Variants in MBD3 observed in about 807,000 individuals in gnomAD.
MBD3 encodes the protein methyl-CpG-binding domain protein 3.
In MBD3, 13 loss-of-function variants were observed where a neutral mutation model predicts 31.2. The ratio of observed to expected loss-of-function variants is 0.42; its 90% CI spans 0.27 to 0.66. MBD3 has a LOEUF of 0.66. Among genes scored for constraint, MBD3 ranks in the 30% least tolerant of loss-of-function variants. The pLI, the probability that MBD3 is intolerant of heterozygous loss-of-function variation, is 0.26. For missense variants in MBD3, 440 were observed against 426.5 expected (o/e 1.03, Z -0.28); for synonymous variants, 223 against 187.4 (o/e 1.19, Z -1.55).
At chr19:1,579,748 C>T (rs572273257) in intron 5 of MBD3, among the ~76,000 whole-genome samples, 1 of 152,268 alleles carries the variant, frequency 6.6e-6, no homozygotes, top group Non-Finnish European at 1.5e-5. Flanking sequence ...CCACCGAGTT[C>T]CTCATTTCAA....
Position 1,585,390 on chromosome 19 carries a change from A to C in MBD3, c.111-176T>G, listed in dbSNP as rs1599345599. 3.3e-6 allele frequency: 2 copies of C among 609,736 alleles called. No homozygotes were observed. Among genetic ancestry groups the C allele is most frequent in the Non-Finnish European group, 5.4e-6 (2 of 370,696 alleles). The allele number at this position is 609,736 out of a possible 1,614,324, so 37.8% of individuals were successfully genotyped here. A position where few individuals can be genotyped will look rare whatever the true frequency, so the allele number is the denominator to read the frequency against. On this transcript the variant is annotated intron_variant, in intron 1 of 6. Transcript: ENST00000434436. The surrounding 1 kb of genome is among the most constrained non-coding windows in gnomAD (Gnocchi z 4.1). ...GGCCCTGGCCCCAGCCCCAGACCCC[A>C]ACCCTGGCGTGACCCCAGACCTTCA...
In MBD3 at chr19:1,575,466, G is replaced by A; in HGVS notation, c.*2698C>T. On this transcript the variant is annotated 3_prime_UTR_variant, in exon 7 of 7. Coordinates refer to ENST00000434436, the MANE Select transcript of MBD3 (RefSeq NM_001281453.2). Reference sequence around the variant, plus strand: ...GGGCTGAGACATGGGCGGGGCTGGGGGCAGCCAAGTGGCCTTTGAGGATGG... The same window carrying A: ...GGGCTGAGACATGGGCGGGGCTGGGAGCAGCCAAGTGGCCTTTGAGGATGG... 1 of 305,338 alleles carries A rather than the reference G, an allele frequency of 3.3e-6. No homozygotes were observed. The highest frequency in any genetic ancestry group is 1.1e-4 in the East Asian group (1 of 8,764). The allele number at this position is 305,338 out of a possible 1,614,324, so 18.9% of individuals were successfully genotyped here.
At chr19:1,581,366 C>A in intron 4 of MBD3, 97 bp from the exon 5 acceptor site, 2 of 1,287,996 alleles carry the variant, frequency 1.6e-6, no homozygotes, top group East Asian at 2.5e-5. Flanking sequence ...ATGGGAGCTG[C>A]CACCTTCTTG....
In MBD3 at chr19:1,577,932, C is replaced by T. The variant is rs1429144512; in HGVS notation, c.*232G>A. ...AGGAGCACCCGGCACTTCCCGAAGCCGGACTCTGTAGAGGACGAGCGTGGA... is the reference window on the plus strand; with the variant it reads ...AGGAGCACCCGGCACTTCCCGAAGCTGGACTCTGTAGAGGACGAGCGTGGA... On this transcript the variant is annotated 3_prime_UTR_variant, in exon 7 of 7. Transcript: ENST00000434436. The T allele has an allele frequency of 7.3e-6, 2 of 274,876 alleles. No homozygotes were observed. The highest frequency in any genetic ancestry group is 1.4e-5 in the Non-Finnish European group (2 of 141,844). The allele number at this position is 274,876 out of a possible 1,614,324, so 17.0% of individuals were successfully genotyped here. A position where few individuals can be genotyped will look rare whatever the true frequency, so the allele number is the denominator to read the frequency against.
intron 2 of MBD3, 107 bp downstream of exon 2, chr19:1,584,948 C>T (rs1312054109): frequency 1.7e-5 from 25 of 1,476,862 alleles, no homozygotes; most frequent in Non-Finnish European, 2.2e-5. Flanking sequence ...CCGCTGTGAC[C>T]TCCTGCGCTC....
chr19:1,586,603 G>A (rs1268266421), intron 1 of MBD3, among the ~76,000 whole-genome samples: 2 of 151,856 alleles, frequency 1.3e-5, no homozygotes, highest in Non-Finnish European at 1.5e-5. Flanking sequence ...TGAACTCCTG[G>A]GCTAGGGTGA....
chr19:1,592,472 C>G lies in MBD3; in HGVS notation c.110+50G>C, dbSNP rs1421345092. 6 of 1,070,122 alleles carry G rather than the reference C, an allele frequency of 5.6e-6. No homozygotes were observed. In the South Asian group the frequency reaches 9.2e-5, roughly 16 times the overall value. The allele number at this position is 1,070,122 out of a possible 1,614,324, so 66.3% of individuals were successfully genotyped here. ...AGGGGCGCCGAGGCCGCCGCAGAGG[C>G]CGCTGGGAGGAGCCCGTTGAGGCCC... On this transcript the variant is annotated intron_variant, in intron 1 of 6. Transcript: ENST00000434436.
intron 4 of MBD3, among the ~76,000 whole-genome samples, chr19:1,581,996 T>C (rs1432099079): frequency 6.6e-6 from 1 of 152,160 alleles, no homozygotes; most frequent in Non-Finnish European, 1.5e-5. Context: ...CTCGATCTCC[T>C]GACCTCATGA....
At chr19:1,592,065 G>GT (rs1342339465) in intron 1 of MBD3, 1 of 152,300 alleles carries the variant, frequency 6.6e-6, no homozygotes, top group Non-Finnish European at 1.5e-5. Flanking sequence ...CCAAGAACCC[G>GT]TATTTTCACG....
At chr19:1,590,963 A>T (rs2060700765) in intron 1 of MBD3, among the ~76,000 whole-genome samples, 1 of 152,236 alleles carries the variant, frequency 6.6e-6, no homozygotes, top group African/African-American at 2.4e-5. Context: ...CTCCACTGCT[A>T]GACCCTCATG....
At position 1,578,805 on chromosome 19, in the gene MBD3, G is replaced by A. The variant is rs931229051; in HGVS notation, c.678-267C>T. Among the ~76,000 whole-genome samples the A allele has an allele frequency of 6.6e-6, 1 of 152,150 alleles. No homozygotes were observed. Among genetic ancestry groups the A allele is most frequent in the African/African-American group, 2.4e-5 (1 of 41,442 alleles). On this transcript the variant is annotated intron_variant, in intron 5 of 6. Coordinates refer to ENST00000434436, the MANE Select transcript of MBD3 (RefSeq NM_001281453.2). This position sits in a 1 kb window ranked among gnomAD's most constrained non-coding sequence, Gnocchi z 6.1. ...ACCAAGGGAGGGGCCTGACCCTTCAGTCCCCAGACTTGGCCCTGAGCCTCC... is the reference window on the plus strand; with the variant it reads ...ACCAAGGGAGGGGCCTGACCCTTCAATCCCCAGACTTGGCCCTGAGCCTCC...
Position 1,581,997 on chromosome 19 carries a change from G to T in MBD3, c.499+625C>A, listed in dbSNP as rs535045541. ...TTAGCCAGGATGATCTCGATCTCCT[G>T]ACCTCATGATCCGCCCGCCTTGGCC... On this transcript the variant is annotated intron_variant, in intron 4 of 6. Coordinates refer to ENST00000434436, the MANE Select transcript of MBD3 (RefSeq NM_001281453.2). Among the ~76,000 whole-genome samples the T allele has an allele frequency of 3.9e-5, 6 of 152,228 alleles. No homozygotes were observed. In the East Asian group the frequency reaches 9.6e-4, roughly 24 times the overall value.
intron 1 of MBD3, among the ~76,000 whole-genome samples, chr19:1,591,063 C>T (rs563314244): frequency 1.8e-4 from 27 of 152,298 alleles, no homozygotes; most frequent in African/African-American, 5.5e-4. Flanking sequence ...GTTCTAGCTC[C>T]CAAGCTGCAG....
chr19:1,584,477 C>T (rs979337168), intron 3 of MBD3, 63 bp downstream of exon 3: 10 of 1,602,818 alleles, frequency 6.2e-6, no homozygotes, highest in Admixed American at 3.3e-5. Flanking sequence ...TCATTCCAAA[C>T]GTCCACCCAC....
chr19:1,584,701 C>CCGGCCTGGGGG (rs1568276129), intron 2 of MBD3, 24 bp from the exon 3 acceptor site: 1 of 1,605,958 alleles, frequency 6.2e-7, no homozygotes, highest in Admixed American at 1.7e-5. Flanking sequence ...GATATGCAGT[C>CCGGCCTGGGGG]CGGCCTGGGG....
Position 1,575,294 on chromosome 19 carries a change from G to T in MBD3, c.*2870C>A. ...AAAATACAAAAATTAGCTGGGCGTGGTGGCTACTCGGGAGGCTGAGGCTTG... is the reference window on the plus strand; with the variant it reads ...AAAATACAAAAATTAGCTGGGCGTGTTGGCTACTCGGGAGGCTGAGGCTTG... On this transcript the variant is annotated 3_prime_UTR_variant, in exon 7 of 7. Transcript: ENST00000434436. 3 of 442,470 alleles carry T rather than the reference G, an allele frequency of 6.8e-6. 1 individual carries two copies. The East Asian group carries it at 2.2e-4, about 32-fold the overall frequency. The allele number at this position is 442,470 out of a possible 1,614,324, so 27.4% of individuals were successfully genotyped here.
At chr19:1,592,422 C>G (rs551708372) in intron 1 of MBD3, 100 bp downstream of exon 1, 7 of 336,308 alleles carry the variant, frequency 2.1e-5, no homozygotes, top group African/African-American at 1.1e-4. Flanking sequence ...GACGCACGCG[C>G]GGGGCCCAGG....
In MBD3 at chr19:1,577,157, C is replaced by T. The variant is rs1279836657; in HGVS notation, c.*1007G>A. ...CAATGAACCCACCCGTAGGAGCCCT[C>T]ACTGGGCAGCAGGGCCAGGAGGGCA... On this transcript the variant is annotated 3_prime_UTR_variant, in exon 7 of 7. Coordinates refer to ENST00000434436, the MANE Select transcript of MBD3 (RefSeq NM_001281453.2). 2.0e-5 allele frequency: 3 copies of T among 152,512 alleles called. No homozygotes were observed. Among genetic ancestry groups the T allele is most frequent in the Non-Finnish European group, 4.4e-5 (3 of 68,254 alleles). The allele number at this position is 152,512 out of a possible 1,614,324, so 9.4% of individuals were successfully genotyped here.
rs115641562 is a variant in MBD3 at position 1,580,792 on chromosome 19, C to T, written c.677+300G>A. Among the ~76,000 whole-genome samples, 222 of 152,330 alleles carry T rather than the reference C, an allele frequency of 1.5e-3. 1 individual carries two copies. The highest frequency in any genetic ancestry group is 5.1e-3 in the African/African-American group (214 of 41,566). Reference sequence around the variant, plus strand: ...AGACTCCTGGCCTGCCCTGTCCCTCCGTCTCCAGGGCCCAACATGGAGCCC... The same window carrying T: ...AGACTCCTGGCCTGCCCTGTCCCTCTGTCTCCAGGGCCCAACATGGAGCCC... On this transcript the variant is annotated intron_variant, in intron 5 of 6. Coordinates refer to ENST00000434436, the MANE Select transcript of MBD3 (RefSeq NM_001281453.2).
Sources: gnomAD v4.1 joint callset for allele counts (sites outside exome capture counted in the v4.1 genomes callset) on GRCh38, gnomAD v4.1.1 for gene constraint, Gnocchi (gnomAD v3.1) non-coding constraint, MANE v1.5 for transcripts, NCBI Gene and HGNC (gene_info 2026-07-23, HGNC 2026-07-21) for gene names.